LYPLA1: variants seen among roughly 807,000 people sequenced by gnomAD.
LYPLA1 encodes the protein lysophospholipase 1, also known as acyl-protein thioesterase 1.
A neutral mutation model predicts 34.0 loss-of-function variants in LYPLA1; 17 were observed. The ratio of observed to expected loss-of-function variants is 0.50; its 90% confidence interval spans 0.34 to 0.75. The LOEUF is 0.75. Ranked by LOEUF, LYPLA1 falls within the 30% of genes least tolerant of loss-of-function variation. The pLI is 0.01. For synonymous variants in LYPLA1, 98 were observed against 100.8 expected, an observed-to-expected ratio of 0.97 and a Z score of 0.17; for missense variants, 203 against 288.8, an observed-to-expected ratio of 0.70 and a Z score of 2.15.
chr8:54,070,240 G>T (rs1014072465), intron 2 of LYPLA1, among the ~76,000 whole-genome samples: 1 of 152,134 alleles, frequency 6.6e-6, no homozygotes, highest in Non-Finnish European at 1.5e-5. Flanking sequence ...GCTGGAACCC[G>T]GGAGGCGGAA....
rs1805542554 is a variant in LYPLA1 at position 54,047,357 on chromosome 8, G to A, written c.*708C>T. The A allele has an allele frequency of 6.6e-6, 1 of 151,616 alleles. No homozygotes were observed. Among genetic ancestry groups the A allele is most frequent in the African/African-American group, 2.4e-5 (1 of 41,318 alleles). 9.4% of individuals were successfully genotyped at this position (151,616 alleles called of 1,614,324 possible). ...GACAGTAGCTGTCTATTGCAGAGAG[G>A]CAATACTTGGCCTGCTATGAAGGAC... On this transcript the variant is annotated 3_prime_UTR_variant, in exon 9 of 9. Coordinates refer to ENST00000316963, the MANE Select transcript of LYPLA1 (RefSeq NM_006330.4).
At position 54,046,701 on chromosome 8, in the gene LYPLA1, C is replaced by A. The variant is rs1293835329; in HGVS notation, c.*1364G>T. On this transcript the variant is annotated 3_prime_UTR_variant, in exon 9 of 9. Transcript: ENST00000316963. ...ATTGTTTTGGTCAGCTGGAATACAGCAGAAAAATTAACACAGTTGAGAAAT... is the reference window on the plus strand; with the variant it reads ...ATTGTTTTGGTCAGCTGGAATACAGAAGAAAAATTAACACAGTTGAGAAAT... The A allele has an allele frequency of 1.3e-5, 2 of 152,330 alleles. No homozygotes were observed. The highest frequency in any genetic ancestry group is 2.4e-5 in the African/African-American group (1 of 41,420). The allele number at this position is 152,330 out of a possible 1,614,324, so 9.4% of individuals were successfully genotyped here.
rs930829365 is a variant in LYPLA1, at chr8:54,088,066, A to G, written c.101+12842T>C. The stretch of plus-strand genomic sequence containing the variant: ...AGGAAGGAGGAAGTTAACTTGTGGA[A>G]TGCTGAGAAAGATAAAAACACTTTT... On this transcript the variant is annotated intron_variant, in intron 2 of 8. Transcript: ENST00000316963. Among the ~76,000 whole-genome samples the G allele has an allele frequency of 5.3e-5, 8 of 152,368 alleles. No homozygotes were observed. In the South Asian group the frequency reaches 8.3e-4, roughly 16 times the overall value.
At chr8:54,053,896 T>G (rs1806021796) in intron 6 of LYPLA1, among the ~76,000 whole-genome samples, 1 of 152,244 alleles carries the variant, frequency 6.6e-6, no homozygotes, top group African/African-American at 2.4e-5. Context: ...TACTCCTTGC[T>G]TGAGGTATTG....
chr8:54,091,581 A>AGGAAGGAAGG (rs1554550019), intron 2 of LYPLA1, among the ~76,000 whole-genome samples: 1 of 142,270 alleles, frequency 7.0e-6, no homozygotes, highest in African/African-American at 2.7e-5. Flanking sequence ...GAAAGAAAGA[A>AGGAAGGAAGG]AAGGAAGGAA....
chr8:54,052,495 T>C (rs1021720962), intron 7 of LYPLA1, among the ~76,000 whole-genome samples, 160 bp downstream of exon 7: 2 of 152,078 alleles, frequency 1.3e-5, no homozygotes, highest in African/African-American at 2.4e-5. Flanking sequence ...AGGAGGTAGA[T>C]AGTAACTCTG....
At chr8:54,075,117 A>G (rs924842781) in intron 2 of LYPLA1, among the ~76,000 whole-genome samples, 1 of 152,224 alleles carries the variant, frequency 6.6e-6, no homozygotes, top group African/African-American at 2.4e-5. Context: ...GACAGAGAAT[A>G]TGGAACCCCA....
At chr8:54,097,861 A>G (rs1809811052) in intron 2 of LYPLA1, among the ~76,000 whole-genome samples, 1 of 152,248 alleles carries the variant, frequency 6.6e-6, no homozygotes, top group Non-Finnish European at 1.5e-5. Flanking sequence ...AACAATTATA[A>G]CAATATGACA....
At chr8:54,059,716 T>C (rs1806462708) in intron 5 of LYPLA1, among the ~76,000 whole-genome samples, 1 of 151,776 alleles carries the variant, frequency 6.6e-6, no homozygotes, top group Admixed American at 6.6e-5. Flanking sequence ...AGGGCAAGAG[T>C]TTCCCACCAG....
intron 2 of LYPLA1, among the ~76,000 whole-genome samples, chr8:54,095,088 G>A (rs1404480305): frequency 6.6e-6 from 1 of 151,820 alleles, no homozygotes; most frequent in Non-Finnish European, 1.5e-5. Flanking sequence ...GAGTACAGTG[G>A]CACCATCTTG....
chr8:54,084,133 AAT>A (rs1247853160), intron 2 of LYPLA1, among the ~76,000 whole-genome samples: 10 of 120,428 alleles, frequency 8.3e-5, no homozygotes, highest in African/African-American at 2.8e-4. Flanking sequence ...AGAAAAAAAA[AAT>A]AAATAAATAT....
chr8:54,095,950 A>G (rs576844167), intron 2 of LYPLA1, among the ~76,000 whole-genome samples: 9 of 152,346 alleles, frequency 5.9e-5, no homozygotes, highest in African/African-American at 2.2e-4. Context: ...AATGATAAGT[A>G]GAGGCAATAT....
chr8:54,051,203 A>G lies in LYPLA1; in HGVS notation c.463-15T>C. On this transcript the variant is annotated splice_polypyrimidine_tract_variant and intron_variant, in intron 7 of 8. Coordinates refer to ENST00000316963, the MANE Select transcript of LYPLA1 (RefSeq NM_006330.4). ...CCGATAGGACCCTGCAAAAAGCAAA[A>G]GAAGAAATAGTTTTATTTTTGTAAA... 6.3e-7 allele frequency: 1 copy of G among 1,578,388 alleles called. No homozygotes were observed. The highest frequency in any genetic ancestry group is 8.6e-7 in the Non-Finnish European group (1 of 1,162,286).
At chr8:54,070,505 C>T (rs1005540099) in intron 2 of LYPLA1, among the ~76,000 whole-genome samples, 1 of 152,156 alleles carries the variant, frequency 6.6e-6, no homozygotes, top group Admixed American at 6.5e-5. Flanking sequence ...TGGCAGATCA[C>T]CTGAGGTCAG....
chr8:54,049,003 T>C (rs1563553169), intron 8 of LYPLA1, among the ~76,000 whole-genome samples: 1 of 152,220 alleles, frequency 6.6e-6, no homozygotes, highest in Non-Finnish European at 1.5e-5. Context: ...ACAGCTGCTC[T>C]AGAGACCTTC....
intron 2 of LYPLA1, 113 bp from the exon 3 acceptor site, chr8:54,065,926 T>C: frequency 2.7e-6 from 2 of 734,044 alleles, no homozygotes; most frequent in Non-Finnish European, 4.8e-6. Context: ...ATCCTAAAAA[T>C]ATGGTTTTTT....
chr8:54,079,439 C>T (rs1359881276), intron 2 of LYPLA1, among the ~76,000 whole-genome samples: 1 of 152,250 alleles, frequency 6.6e-6, no homozygotes, highest in East Asian at 1.9e-4. Flanking sequence ...CCAGAGTAGA[C>T]ATTACCAAGC....
At chr8:54,076,084 C>T (rs1299665352) in intron 2 of LYPLA1, among the ~76,000 whole-genome samples, 1 of 152,190 alleles carries the variant, frequency 6.6e-6, no homozygotes, top group Non-Finnish European at 1.5e-5. Context: ...AGTATAGTGG[C>T]ACCTCAACCT....
intron 2 of LYPLA1, among the ~76,000 whole-genome samples, chr8:54,089,563 C>T (rs1809066600): frequency 6.7e-6 from 1 of 148,772 alleles, no homozygotes; most frequent in Non-Finnish European, 1.5e-5. Flanking sequence ...AATGTATATA[C>T]TAACACTGTA....
Sources: gnomAD v4.1 joint callset for allele counts (sites outside exome capture counted in the v4.1 genomes callset) on GRCh38, gnomAD v4.1.1 for gene constraint, MANE v1.5 for transcripts, NCBI Gene and HGNC (gene_info 2026-07-23, HGNC 2026-07-21) for gene names.